The following GABRG3 variants were observed in gnomAD, a reference collection of about 807,000 sequenced individuals.
GABRG3 encodes gamma-aminobutyric acid receptor subunit gamma-3.
Under a neutral mutation model 48.8 loss-of-function variants are expected in GABRG3, and 25 were observed. The ratio of observed to expected loss-of-function variants is 0.51; its 90% confidence interval spans 0.37 to 0.72. The LOEUF (loss-of-function observed/expected upper bound fraction) is 0.72, where lower values mean the gene tolerates loss of function less well. GABRG3 is among the 30% of genes least tolerant of loss of function. The probability of loss-of-function intolerance (pLI) is 0.00; values close to 1 mark genes in which losing one functional copy is unlikely to be tolerated. For synonymous variants in GABRG3, 227 were observed against 217.6 expected (o/e 1.04, Z -0.38); for missense variants, 394 against 577.9 (o/e 0.68, Z 3.26).
intron 2 of GABRG3, among the ~76,000 whole-genome samples, chr15:27,006,154 A>T: frequency 6.6e-6 from 1 of 150,534 alleles, no homozygotes; most frequent in Middle Eastern, 3.4e-3. Context: ...AGTTTCTTCA[A>T]TAAAACTTTT....
rs1889958868 is a variant in GABRG3, at chr15:27,236,201, G to A, written c.271-90608G>A. ...CGGCGTACATGGAAGCATCTCAGGA[G>A]GAAGCCTGCTTATCCCTGTGGAGAC... On this transcript the variant is annotated intron_variant, in intron 3 of 9. Transcript: ENST00000615808. The surrounding 1 kb of genome is among the most constrained non-coding windows in gnomAD (Gnocchi z 4.4). Among the ~76,000 whole-genome samples, 1 of 152,168 alleles carries A rather than the reference G, an allele frequency of 6.6e-6. No homozygotes were observed. The highest frequency in any genetic ancestry group is 1.5e-5 in the Non-Finnish European group (1 of 68,038).
In GABRG3 at chr15:27,537,200, C is replaced by CTAT. The variant is rs1423964951; in HGVS notation, c.*4321_*4323dup. ...TAAATATACATTGAAACGTTAAGTT[C>CTAT]TATTTGTACTGAAACACTGTCCACC... is the stretch of plus-strand genomic sequence containing the variant. On this transcript the variant is annotated 3_prime_UTR_variant, in exon 10 of 10. Transcript: ENST00000615808. The CTAT allele has an allele frequency of 1.4e-4, 21 of 150,998 alleles. No individual in the cohort carries two copies. The highest frequency in any genetic ancestry group is 4.9e-4 in the African/African-American group (20 of 41,212). The allele number at this position is 150,998 out of a possible 1,614,324, so 9.4% of individuals were successfully genotyped here.
chr15:27,428,493 A>G (rs777416172), intron 5 of GABRG3, among the ~76,000 whole-genome samples: 16 of 152,244 alleles, frequency 1.1e-4, no homozygotes, highest in Non-Finnish European at 2.4e-4. Flanking sequence ...TAGGTGGGCA[A>G]GAGAAGGAGC....
chr15:26,983,496 TA>T (rs1349231717), intron 2 of GABRG3, among the ~76,000 whole-genome samples: 1 of 152,126 alleles, frequency 6.6e-6, no homozygotes, highest in Non-Finnish European at 1.5e-5. Context: ...GCTTCTCAGA[TA>T]AAGACCAAGT....
intron 3 of GABRG3, among the ~76,000 whole-genome samples, chr15:27,203,685 A>G (rs974398135): frequency 4.6e-5 from 7 of 151,958 alleles, no homozygotes; most frequent in Admixed American, 2.0e-4. Context: ...TTTCTTTGCA[A>G]CCTCACCAGC....
At chr15:27,371,466 A>G (rs1343899217) in intron 5 of GABRG3, among the ~76,000 whole-genome samples, 1 of 152,242 alleles carries the variant, frequency 6.6e-6, no homozygotes, top group African/African-American at 2.4e-5. Context: ...TAGAAGGAAA[A>G]TCTAACCCTT....
At chr15:27,076,020 G>A (rs1896904090) in intron 3 of GABRG3, among the ~76,000 whole-genome samples, 2 of 152,188 alleles carry the variant, frequency 1.3e-5, no homozygotes, top group South Asian at 4.1e-4. Flanking sequence ...GAGGGTTGCA[G>A]AGTCATTTGG....
intron 3 of GABRG3, among the ~76,000 whole-genome samples, chr15:27,309,096 A>G (rs1892897361): frequency 6.6e-6 from 1 of 151,354 alleles, no homozygotes; most frequent in Non-Finnish European, 1.5e-5. Context: ...AATATAATGT[A>G]AACACAGATG....
chr15:27,174,611 T>TCTCTCTCA (rs775482063), intron 3 of GABRG3, among the ~76,000 whole-genome samples: 5 of 143,734 alleles, frequency 3.5e-5, no homozygotes, highest in Non-Finnish European at 7.7e-5. Context: ...TCTCTCTCTC[T>TCTCTCTCA]CTCTCTCACT....
intron 3 of GABRG3, among the ~76,000 whole-genome samples, chr15:27,310,375 T>C (rs376391691): frequency 3.9e-4 from 59 of 152,306 alleles, no homozygotes; most frequent in African/African-American, 1.4e-3. Flanking sequence ...GACACTATTT[T>C]CACTAGCATC....
intron 5 of GABRG3, among the ~76,000 whole-genome samples, chr15:27,434,711 A>G (rs1888555569): frequency 6.6e-6 from 1 of 152,144 alleles, no homozygotes; most frequent in Admixed American, 6.6e-5. Flanking sequence ...GGCAGTGAAC[A>G]CCTGGCCAGA....
intron 3 of GABRG3, among the ~76,000 whole-genome samples, chr15:27,098,024 G>A (rs987049843): frequency 1.3e-5 from 2 of 151,286 alleles, no homozygotes; most frequent in African/African-American, 4.9e-5. Flanking sequence ...AAAGTCCTGG[G>A]TAACACACAG....
chr15:27,388,601 C>T (rs112852670), intron 5 of GABRG3, among the ~76,000 whole-genome samples: 76 of 152,252 alleles, frequency 5.0e-4, no homozygotes, highest in African/African-American at 1.8e-3. Context: ...GGAAAAGTCA[C>T]TCAAAGAGCT....
chr15:27,322,391 G>C (rs1281917067), intron 3 of GABRG3, among the ~76,000 whole-genome samples: 1 of 152,142 alleles, frequency 6.6e-6, no homozygotes, highest in Non-Finnish European at 1.5e-5. Context: ...TGCTCTGCAA[G>C]CCTCCACCTC....
chr15:27,374,847 CTTCCCCATT>C (rs1244822166), intron 5 of GABRG3, among the ~76,000 whole-genome samples: 1 of 152,156 alleles, frequency 6.6e-6, no homozygotes, highest in Non-Finnish European at 1.5e-5. Flanking sequence ...GAAGGGAAAA[CTTCCCCATT>C]GCTCTTGGAA....
At chr15:27,167,525 G>A (rs1887418273) in intron 3 of GABRG3, among the ~76,000 whole-genome samples, 1 of 152,162 alleles carries the variant, frequency 6.6e-6, no homozygotes, top group Admixed American at 6.5e-5. Context: ...ATTGTTCTTA[G>A]TTAACAGAGG....
chr15:27,038,381 A>G (rs574453069), intron 3 of GABRG3, among the ~76,000 whole-genome samples: 1 of 152,228 alleles, frequency 6.6e-6, no homozygotes, highest in South Asian at 2.1e-4. Context: ...ATTCTGTACC[A>G]AGGTCTTATT....
chr15:27,420,679 T>C (rs1888086689), intron 5 of GABRG3: 1 of 152,238 alleles, frequency 6.6e-6, no homozygotes, highest in Admixed American at 6.5e-5. Context: ...TTTGTAATTT[T>C]ACCTCCATAA....
chr15:27,510,204 C>G (rs1292288851), intron 6 of GABRG3, among the ~76,000 whole-genome samples: 2 of 152,140 alleles, frequency 1.3e-5, no homozygotes, highest in Non-Finnish European at 2.9e-5. Context: ...GTGGTTGGAT[C>G]AAGGGATGGT....
Sources: allele counts gnomAD v4.1 joint callset (sites outside exome capture counted in the v4.1 genomes callset), GRCh38; gene constraint gnomAD v4.1.1; non-coding constraint Gnocchi (gnomAD v3.1); transcripts MANE v1.5; gene names NCBI Gene and HGNC (gene_info 2026-07-23, HGNC 2026-07-21).